TMPRSS9: variants seen among roughly 807,000 people sequenced by gnomAD.
The protein encoded by TMPRSS9 is transmembrane serine protease 9, also known as transmembrane protease serine 9.
In TMPRSS9, 113 loss-of-function variants were observed where a neutral mutation model predicts 111.4. That is an observed-to-expected ratio of 1.01 (90% CI 0.87 to 1.19). The LOEUF (loss-of-function observed/expected upper bound fraction) is 1.19, where lower values mean the gene tolerates loss of function less well. TMPRSS9 is among the 50% of genes most tolerant of loss of function. The pLI is 0.00. For synonymous variants in TMPRSS9, 805 were observed against 659.1 expected, an observed-to-expected ratio of 1.22 and a Z score of -3.39; for missense variants, 1,803 against 1,513.1, an observed-to-expected ratio of 1.19 and a Z score of -3.18.
chr19:2,380,116 G>A (rs1970375063), intron 1 of TMPRSS9, among the ~76,000 whole-genome samples: 2 of 152,122 alleles, frequency 1.3e-5, no homozygotes, highest in Middle Eastern at 3.4e-3. Context: ...GGACCTTGCT[G>A]GTGTTGTATG....
At position 2,362,798 on chromosome 19, in the gene TMPRSS9, GTGTGGTTGTA is replaced by G. The variant is rs966109622; in HGVS notation, c.-26+2448_-26+2457del. Among the ~76,000 whole-genome samples, 21 of 152,130 alleles carry G rather than the reference GTGTGGTTGTA, an allele frequency of 1.4e-4. No individual in the cohort carries two copies. In the South Asian group the frequency reaches 1.5e-3, roughly 11 times the overall value. The stretch of plus-strand genomic sequence containing the variant: ...TTTGTGGATGGTGGAGTGAGGTTGT[GTGTGGTTGTA>G]TGTGGTTGTGTGAGGTGTGTTTTGT... On this transcript the variant is annotated intron_variant, in intron 1 of 17. Transcript: ENST00000649857.
intron 8 of TMPRSS9, 85 bp from the exon 10 acceptor site, chr19:2,410,173 A>G (rs926881800): frequency 1.9e-6 from 3 of 1,564,460 alleles, no homozygotes; most frequent in African/African-American, 2.7e-5. Context: ...AGGCTTGGAG[A>G]GGAGCTGTCC....
At chr19:2,383,444 T>C (rs1028197051) in intron 1 of TMPRSS9, among the ~76,000 whole-genome samples, 1 of 149,560 alleles carries the variant, frequency 6.7e-6, no homozygotes, top group African/African-American at 2.5e-5. Context: ...TTGAAGCCAG[T>C]AGTTCCAGAC....
At chr19:2,380,722 G>A (rs984479741) in intron 1 of TMPRSS9, among the ~76,000 whole-genome samples, 3 of 152,022 alleles carry the variant, frequency 2.0e-5, no homozygotes, top group African/African-American at 7.2e-5. Context: ...AACCCTGTCA[G>A]AATCCTGACC....
upstream of TMPRSS9, among the ~76,000 whole-genome samples, chr19:2,386,750 G>A (rs571941716): frequency 2.6e-5 from 4 of 152,280 alleles, no homozygotes; most frequent in South Asian, 6.2e-4. Flanking sequence ...CCAGCACTTT[G>A]GGAGGCCAAG....
intron 10 of TMPRSS9, among the ~76,000 whole-genome samples, chr19:2,414,947 T>A (rs1230750735): frequency 6.6e-6 from 1 of 150,536 alleles, no homozygotes; most frequent in African/African-American, 2.4e-5. Flanking sequence ...TCCTATTTTT[T>A]TTTTTTTTTT....
chr19:2,418,176 T>C (rs752682199), intron 13 of TMPRSS9, 38 bp downstream of exon 14: 9 of 1,608,250 alleles, frequency 5.6e-6, no homozygotes, highest in East Asian at 2.2e-5. Flanking sequence ...AATATTTCCA[T>C]GAAATGCCCA....
At chr19:2,406,641 C>T (rs1452189312) in intron 7 of TMPRSS9, among the ~76,000 whole-genome samples, 1 of 151,112 alleles carries the variant, frequency 6.6e-6, no homozygotes, top group South Asian at 2.1e-4. Context: ...GGCCCACTTG[C>T]TGTTCTTTTG....
Position 2,389,864 on chromosome 19 carries a change from C to T in TMPRSS9, c.79C>T (p.Arg27Ter), listed in dbSNP as rs536159570. ...CCCCGCTCTGGATGCCGCGTGCTGT[C>T]GAGCGGCCAGCATTGGCGTGGTGGC... Residue 27 changes from arginine to a stop codon, truncating the protein, a stop_gained, in exon 1 of 18, where the codon CGA becomes TGA. Transcript: ENST00000648592. LOFTEE classifies it high-confidence loss of function. 15 of 1,613,926 alleles carry T rather than the reference C, an allele frequency of 9.3e-6. No homozygotes were observed. The highest frequency in any genetic ancestry group is 4.4e-5 in the South Asian group (4 of 91,086).
chr19:2,395,256 A>G (rs1458747623), intron 1 of TMPRSS9, among the ~76,000 whole-genome samples: 1 of 152,086 alleles, frequency 6.6e-6, no homozygotes, highest in Non-Finnish European at 1.5e-5. Flanking sequence ...AGTCTGTACT[A>G]AAAATACAAA....
chr19:2,421,729 G>A (rs1599317820), intron 13 of TMPRSS9, 125 bp from the exon 15 acceptor site: 10 of 1,052,794 alleles, frequency 9.5e-6, no homozygotes, highest in East Asian at 5.0e-5. Flanking sequence ...CTCCAGACCC[G>A]CGCTGTGCCC....
exon 15 of TMPRSS9, chr19:2,424,196 C>A: frequency 6.9e-7 from 1 of 1,457,870 alleles, no homozygotes; most frequent in Non-Finnish European, 9.1e-7. Context: ...CCGGGAACAC[C>A]GTTGCGGGGC....
At chr19:2,418,226 T>C (rs1971296977) in intron 13 of TMPRSS9, 88 bp downstream of exon 14, 5 of 1,348,244 alleles carry the variant, frequency 3.7e-6, no homozygotes, top group Non-Finnish European at 5.0e-6. Context: ...CAGACCTAGA[T>C]TTTTTTCCTT....
At chr19:2,401,308 G>A (rs537858167) in intron 4 of TMPRSS9, among the ~76,000 whole-genome samples, 162 of 152,162 alleles carry the variant, frequency 1.1e-3, no homozygotes, top group African/African-American at 3.6e-3. Context: ...TGACATGCAG[G>A]ACATTTATGG....
At chr19:2,411,932 T>G (rs1007398094) in intron 9 of TMPRSS9, among the ~76,000 whole-genome samples, 12 of 152,216 alleles carry the variant, frequency 7.9e-5, no homozygotes, top group Non-Finnish European at 1.6e-4. Flanking sequence ...GTCCTGTTCT[T>G]GTTTCGTGGA....
intron 13 of TMPRSS9, among the ~76,000 whole-genome samples, chr19:2,421,158 A>G (rs1971454518): frequency 6.6e-6 from 1 of 151,718 alleles, no homozygotes. Flanking sequence ...GTGAGCCGAG[A>G]TCATCCCACT....
At chr19:2,366,673 C>T (rs1043767464) in intron 1 of TMPRSS9, among the ~76,000 whole-genome samples, 12 of 151,418 alleles carry the variant, frequency 7.9e-5, no homozygotes, top group East Asian at 2.0e-4. Context: ...CTGGCTAACA[C>T]GATGAAACCC....
At chr19:2,367,940 A>G (rs1365834264) in intron 1 of TMPRSS9, among the ~76,000 whole-genome samples, 1 of 151,556 alleles carries the variant, frequency 6.6e-6, no homozygotes, top group Non-Finnish European at 1.5e-5. Flanking sequence ...CGAACTCTGG[A>G]TCTCAAGTGA....
chr19:2,389,897 CT>C lies in TMPRSS9; in HGVS notation c.114del (p.Val39SerfsTer45). On this transcript the variant is annotated frameshift_variant, in exon 1 of 18. Transcript: ENST00000648592. LOFTEE classifies it high-confidence loss of function. ...CAGCATTGGCGTGGTGGCCACCAGC[CT>C]TGTCGTCCTCACCCTGGGAGTCCTT... 6.2e-7 allele frequency: 1 copy of C among 1,613,208 alleles called. No individual in the cohort carries two copies. The highest frequency in any genetic ancestry group is 1.7e-5 in the Admixed American group (1 of 59,974).
Sources: gnomAD v4.1 joint callset for allele counts (sites outside exome capture counted in the v4.1 genomes callset) on GRCh38, gnomAD v4.1.1 for gene constraint, MANE v1.5 for transcripts, NCBI Gene and HGNC (gene_info 2026-07-23, HGNC 2026-07-21) for gene names.